DGKK: variants seen among roughly 807,000 people sequenced by gnomAD.
The protein encoded by DGKK is 142 kDa diacylglycerol kinase.
DGKK carries 35 observed loss-of-function variants against 92.2 expected under a neutral mutation model. The observed-to-expected ratio is 0.38, with a 90% CI of 0.29 to 0.50. The LOEUF is 0.50. Among genes scored for constraint, DGKK ranks in the 20% least tolerant of loss-of-function variants. The pLI, the probability that DGKK is intolerant of heterozygous loss-of-function variation, is 0.92. For missense variants in DGKK, 910 were observed against 992.2 expected, an observed-to-expected ratio of 0.92 and a Z score of 1.11; for synonymous variants, 368 against 360.6, an observed-to-expected ratio of 1.02 and a Z score of -0.23.
chrX:50,467,902 G>C (rs781916679), intron 1 of DGKK, among the ~76,000 whole-genome samples: 2 of 112,461 alleles, frequency 1.8e-5, no homozygotes, highest in South Asian at 3.7e-4. Flanking sequence ...AAATTCTCCA[G>C]AGCCACTGAT....
At chrX:50,371,616 ACTGGACCCC>A in intron 26 of DGKK, 99 bp downstream of exon 26, 1 of 545,458 alleles carries the variant, frequency 1.8e-6, no homozygotes, top group Non-Finnish European at 3.0e-6. Context: ...TAAAGCCAGC[ACTGGACCCC>A]CTGTACTACA....
intron 4 of DGKK, among the ~76,000 whole-genome samples, chrX:50,406,097 A>G (rs1925146945): frequency 8.9e-6 from 1 of 112,226 alleles, no homozygotes. Context: ...TCTAAAACAG[A>G]TCATTCCTGT....
intron 23 of DGKK, among the ~76,000 whole-genome samples, chrX:50,376,403 G>A (rs1275808789): frequency 9.0e-6 from 1 of 111,597 alleles, no homozygotes; most frequent in Non-Finnish European, 1.9e-5. Context: ...TTTAGATATT[G>A]GGAATTTGGG....
chrX:50,387,693 A>T, intron 13 of DGKK, 40 bp from the exon 14 acceptor site: 2 of 983,622 alleles, frequency 2.0e-6, no homozygotes, highest in Non-Finnish European at 2.9e-6. Context: ...TACATGAACC[A>T]TGAGGCCCAG....
chrX:50,395,891 A>C (rs974357845), intron 8 of DGKK, among the ~76,000 whole-genome samples: 6 of 110,917 alleles, frequency 5.4e-5, no homozygotes, highest in African/African-American at 1.6e-4. Flanking sequence ...TGAGTGACAC[A>C]AGCCCTGTAG....
intron 1 of DGKK, among the ~76,000 whole-genome samples, chrX:50,428,979 TG>T (rs1374567413): frequency 8.9e-6 from 1 of 111,965 alleles, no homozygotes; most frequent in African/African-American, 3.3e-5. Flanking sequence ...TTTACCCGCT[TG>T]GGGCTACTAA....
At chrX:50,392,583 C>T in intron 9 of DGKK, 134 bp from the exon 10 acceptor site, 1 of 493,634 alleles carries the variant, frequency 2.0e-6, no homozygotes, top group Non-Finnish European at 3.5e-6. Context: ...TTCCCTTAGC[C>T]CTTATCTGTC....
chrX:50,429,423 C>T (rs1925824714), intron 1 of DGKK, among the ~76,000 whole-genome samples: 1 of 112,325 alleles, frequency 8.9e-6, no homozygotes, highest in Non-Finnish European at 1.9e-5. Context: ...CCGGCGAGCA[C>T]GCCTGTAATC....
At chrX:50,396,230 TA>T (rs1443470938) in intron 8 of DGKK, among the ~76,000 whole-genome samples, 4 of 111,412 alleles carry the variant, frequency 3.6e-5, no homozygotes, top group Non-Finnish European at 3.8e-5. Flanking sequence ...TGCATAGTAT[TA>T]AAAGGGGTGG....
At chrX:50,437,587 C>T (rs1926062291) in intron 1 of DGKK, among the ~76,000 whole-genome samples, 1 of 110,935 alleles carries the variant, frequency 9.0e-6, no homozygotes, top group African/African-American at 3.3e-5. Context: ...CTCTTGATAG[C>T]ATATCCAGAA....
chrX:50,405,904 C>A (rs1312139996), intron 4 of DGKK, among the ~76,000 whole-genome samples: 1 of 111,787 alleles, frequency 8.9e-6, no homozygotes, highest in Non-Finnish European at 1.9e-5. Context: ...AACCTTTCTA[C>A]TCCCCAAGTC....
chrX:50,423,861 A>T (rs1361835820), intron 2 of DGKK, among the ~76,000 whole-genome samples: 6 of 112,259 alleles, frequency 5.3e-5, no homozygotes, highest in African/African-American at 1.9e-4. Context: ...TGCATTAGCA[A>T]ATAAAAACAC....
chrX:50,412,058 C>A (rs1010811168), intron 4 of DGKK, among the ~76,000 whole-genome samples: 3 of 111,387 alleles, frequency 2.7e-5, no homozygotes, highest in South Asian at 7.6e-4. Context: ...ATCTGAAATG[C>A]CCCAATGAGC....
intron 1 of DGKK, among the ~76,000 whole-genome samples, chrX:50,441,619 C>T (rs1434272641): frequency 1.8e-5 from 2 of 111,605 alleles, no homozygotes; most frequent in Admixed American, 1.9e-4. Context: ...TTTCAACGTC[C>T]CACAAAGGTA....
At chrX:50,467,269 G>A (rs1926931329) in intron 1 of DGKK, among the ~76,000 whole-genome samples, 1 of 112,435 alleles carries the variant, frequency 8.9e-6, no homozygotes, top group African/African-American at 3.2e-5. Context: ...TGTTATCCTG[G>A]TAGCTATTTG....
At chrX:50,469,297 G>A (rs1221240370) in intron 1 of DGKK, among the ~76,000 whole-genome samples, 5 of 112,259 alleles carry the variant, frequency 4.5e-5, no homozygotes, top group African/African-American at 1.6e-4. Flanking sequence ...TGCCCCGTTT[G>A]TGACGCTGCG....
intron 1 of DGKK, among the ~76,000 whole-genome samples, chrX:50,451,470 G>T (rs914459478): frequency 1.1e-4 from 12 of 111,296 alleles, no homozygotes; most frequent in African/African-American, 3.9e-4. Context: ...TAATATTCTT[G>T]CTAGAGACAA....
At chrX:50,375,101 G>A (rs1557223696) in intron 24 of DGKK, 44 bp from the exon 25 acceptor site, 1 of 1,062,213 alleles carries the variant, frequency 9.4e-7, no homozygotes, top group Non-Finnish European at 1.3e-6. Context: ...GACAAAGACA[G>A]GGGAGTTGTT....
intron 1 of DGKK, among the ~76,000 whole-genome samples, chrX:50,467,042 C>A (rs1926926170): frequency 9.0e-6 from 1 of 111,551 alleles, no homozygotes; most frequent in South Asian, 3.8e-4. Flanking sequence ...AAAATTTTGT[C>A]TTTCTTCAAG....
Sources: gnomAD v4.1 joint callset for allele counts (sites outside exome capture counted in the v4.1 genomes callset) on GRCh38, gnomAD v4.1.1 for gene constraint, MANE v1.5 for transcripts, NCBI Gene and HGNC (gene_info 2026-07-23, HGNC 2026-07-21) for gene names.